NGF: variants seen among roughly 807,000 people sequenced by gnomAD.
The protein encoded by NGF is nerve growth factor.
In NGF, 4 loss-of-function variants were observed where a neutral mutation model predicts 12.8. The observed-to-expected ratio is 0.31, with a 90% CI of 0.15 to 0.72. The LOEUF is 0.72. Ranked by LOEUF, NGF falls within the 30% of genes least tolerant of loss-of-function variation. The probability of loss-of-function intolerance (pLI) is 0.69; values close to 1 mark genes in which losing one functional copy is unlikely to be tolerated. For synonymous variants in NGF, 140 were observed against 130.0 expected (o/e 1.08, Z -0.52); for missense variants, 283 against 330.8 (o/e 0.86, Z 1.12).
chr1:115,299,531 G>A (rs1362814726), intron 1 of NGF, among the ~76,000 whole-genome samples: 4 of 152,168 alleles, frequency 2.6e-5, no homozygotes, highest in Admixed American at 6.5e-5. Context: ...GGTTTTCAAA[G>A]TGTGGGTAAT....
At chr1:115,303,901 A>G (rs1218271030) in intron 1 of NGF, among the ~76,000 whole-genome samples, 3 of 152,108 alleles carry the variant, frequency 2.0e-5, no homozygotes, top group Non-Finnish European at 4.4e-5. Flanking sequence ...ATAACCTCCA[A>G]CTGAGTGGTG....
intron 1 of NGF, among the ~76,000 whole-genome samples, chr1:115,297,690 C>G (rs751499794): frequency 1.3e-5 from 2 of 152,156 alleles, no homozygotes; most frequent in Non-Finnish European, 2.9e-5. Flanking sequence ...AATCACCATC[C>G]CCCTAATCCC....
chr1:115,337,847 C>T (rs1187208836), intron 1 of NGF, among the ~76,000 whole-genome samples: 1 of 152,156 alleles, frequency 6.6e-6, no homozygotes, highest in African/African-American at 2.4e-5. Flanking sequence ...CGCCCATTCG[C>T]TCTCCCTCAC....
intron 1 of NGF, among the ~76,000 whole-genome samples, chr1:115,322,635 A>G (rs1213286558): frequency 1.3e-5 from 2 of 152,198 alleles, no homozygotes; most frequent in Admixed American, 1.3e-4. Flanking sequence ...ACTGGTTGTG[A>G]TAACAACAAC....
At chr1:115,291,090 T>G (rs982674282) in intron 2 of NGF, among the ~76,000 whole-genome samples, 5 of 152,210 alleles carry the variant, frequency 3.3e-5, no homozygotes, top group South Asian at 2.1e-4. Flanking sequence ...TTAATCACAA[T>G]GGAGATTTGT....
At chr1:115,312,929 A>G (rs886624607) in intron 1 of NGF, among the ~76,000 whole-genome samples, 3 of 152,264 alleles carry the variant, frequency 2.0e-5, no homozygotes, top group Non-Finnish European at 4.4e-5. Flanking sequence ...TTGAGATCAT[A>G]CTTATTTCAC....
At chr1:115,316,151 C>G (rs1023589912) in intron 1 of NGF, among the ~76,000 whole-genome samples, 1 of 152,162 alleles carries the variant, frequency 6.6e-6, no homozygotes, top group Non-Finnish European at 1.5e-5. Context: ...GCCCTAGAGT[C>G]TTGTCTTTGC....
rs750836533 is a variant in NGF at position 115,286,640 on chromosome 1, G to T, written c.156C>A (p.Arg52=). The part of the protein sequence containing the change: ...HSLDTALRRA[R]SAPAAAIAAR... ...CAGCTATCGCCGCTGCCGGGGCGCTGCGGGCTCTGCGAAGGGCAGTGTCAA... is the reference window on the plus strand; with the variant it reads ...CAGCTATCGCCGCTGCCGGGGCGCTTCGGGCTCTGCGAAGGGCAGTGTCAA... Residue 52 remains arginine, a synonymous_variant, in exon 3 of 3, where the codon CGC becomes CGA. Transcript: ENST00000369512. 6.2e-7 allele frequency: 1 copy of T among 1,614,226 alleles called. No homozygotes were observed. Among genetic ancestry groups the T allele is most frequent in the East Asian group, 2.2e-5 (1 of 44,864 alleles).
chr1:115,304,713 C>G (rs1654148384), intron 1 of NGF, among the ~76,000 whole-genome samples: 1 of 152,132 alleles, frequency 6.6e-6, no homozygotes, highest in East Asian at 1.9e-4. Context: ...TCTGGCTAGT[C>G]CAATTCCATG....
chr1:115,298,588 G>T (rs1653942520), intron 1 of NGF, among the ~76,000 whole-genome samples: 1 of 151,902 alleles, frequency 6.6e-6, no homozygotes, highest in Non-Finnish European at 1.5e-5. Context: ...GGCTGCGGCT[G>T]CCCTGGTATC....
In NGF at chr1:115,286,612, G is replaced by A. The variant is rs755243469; in HGVS notation, c.184C>T (p.Arg62Cys). 28 of 1,614,110 alleles carry A rather than the reference G, an allele frequency of 1.7e-5. No homozygotes were observed. Among genetic ancestry groups the A allele is most frequent in the Admixed American group, 8.3e-5 (5 of 60,012 alleles). Residue 62 changes from arginine (R) to cysteine (C), a missense_variant, in exon 3 of 3, where the codon CGC (arginine) becomes TGC (cysteine). By Grantham distance (180) the Arg-to-Cys change is radical. Transcript: ENST00000369512. ...ATGTTGCGGGTCTGCCCCGCCACGC[G>A]TGCAGCTATCGCCGCTGCCGGGGCG... ...RSAPAAAIAA[R>C]VAGQTRNITV... is the part of the protein sequence containing the mutation.
chr1:115,297,167 C>G (rs1653899141), intron 1 of NGF, among the ~76,000 whole-genome samples: 1 of 152,154 alleles, frequency 6.6e-6, no homozygotes, highest in South Asian at 2.1e-4. Context: ...TACCACAAAC[C>G]TACTGAATCA....
At chr1:115,288,063 C>G (rs1653571281) in intron 2 of NGF, among the ~76,000 whole-genome samples, 1 of 152,166 alleles carries the variant, frequency 6.6e-6, no homozygotes, top group Admixed American at 6.5e-5. Context: ...ATCTCTCCTT[C>G]CCACTCTTAT....
intron 1 of NGF, among the ~76,000 whole-genome samples, chr1:115,318,303 C>T (rs1454522572): frequency 6.6e-6 from 1 of 152,234 alleles, no homozygotes; most frequent in Non-Finnish European, 1.5e-5. Flanking sequence ...TGACTGCCCA[C>T]AGTCCCTCTA....
intron 1 of NGF, among the ~76,000 whole-genome samples, chr1:115,304,321 C>A (rs1373533458): frequency 4.3e-5 from 2 of 46,532 alleles, no homozygotes; most frequent in African/African-American, 1.2e-4. Context: ...CACCACCATG[C>A]TTGGCTAATT....
intron 1 of NGF, among the ~76,000 whole-genome samples, chr1:115,316,514 T>C (rs568963764): frequency 3.4e-4 from 52 of 152,216 alleles, no homozygotes; most frequent in Non-Finnish European, 6.5e-4. Flanking sequence ...TAGTCAGGTA[T>C]TATGGTAAAT....
intron 1 of NGF, among the ~76,000 whole-genome samples, chr1:115,304,417 G>A (rs909834290): frequency 6.8e-6 from 1 of 147,612 alleles, no homozygotes; most frequent in South Asian, 2.1e-4. Flanking sequence ...CAGGTGATCC[G>A]CCCACCTCGG....
chr1:115,302,587 A>G (rs1483349516), intron 1 of NGF, among the ~76,000 whole-genome samples: 1 of 152,272 alleles, frequency 6.6e-6, no homozygotes, highest in Non-Finnish European at 1.5e-5. Flanking sequence ...ACCATTTGTT[A>G]GCATTTCACT....
At chr1:115,304,763 G>A (rs1034844861) in intron 1 of NGF, among the ~76,000 whole-genome samples, 1 of 152,174 alleles carries the variant, frequency 6.6e-6, no homozygotes, top group Non-Finnish European at 1.5e-5. Context: ...AGTTCTGGGA[G>A]TTAAAGGCCA....
Sources: allele counts gnomAD v4.1 joint callset (sites outside exome capture counted in the v4.1 genomes callset), GRCh38; gene constraint gnomAD v4.1.1; transcripts MANE v1.5; gene names NCBI Gene and HGNC (gene_info 2026-07-23, HGNC 2026-07-21).